The following ZGPAT variants were observed in gnomAD, a reference collection of about 807,000 sequenced individuals.
The protein encoded by ZGPAT is zinc finger CCCH-type with G patch domain-containing protein.
A neutral mutation model predicts 47.9 loss-of-function variants in ZGPAT; 39 were observed. The observed-to-expected ratio is 0.81, with a 90% CI of 0.63 to 1.06. The LOEUF is 1.06. ZGPAT is among the 50% of genes least tolerant of loss of function. ZGPAT has a pLI of 0.00. For missense variants in ZGPAT, 717 were observed against 681.4 expected (o/e 1.05, Z -0.58); for synonymous variants, 348 against 292.9 (o/e 1.19, Z -1.92).
rs760128318 is a variant in ZGPAT at position 63,735,833 on chromosome 20, C to T, written c.1450C>T (p.Gln484Ter). Residue 484 changes from glutamine to a stop codon, truncating the protein, a stop_gained, in exon 7 of 7, where the codon CAG (glutamine) becomes TAG (stop). Coordinates refer to ENST00000355969, the MANE Select transcript of ZGPAT (RefSeq NM_181485.3). LOFTEE classifies it high-confidence loss of function. The part of the protein sequence containing the change: ...LQEKLAGAQR[Q>*]LGQLRAQEAG... ...GGAGAAGCTGGCAGGAGCCCAGCGCCAGCTGGGGCAGCTCCGGGCTCAGGA... is the reference window on the plus strand; with the variant it reads ...GGAGAAGCTGGCAGGAGCCCAGCGCTAGCTGGGGCAGCTCCGGGCTCAGGA... The T allele has an allele frequency of 2.2e-5, 35 of 1,612,218 alleles. No homozygotes were observed. Among genetic ancestry groups the T allele is most frequent in the Non-Finnish European group, 2.6e-5 (31 of 1,179,698 alleles).
intron 2 of ZGPAT, among the ~76,000 whole-genome samples, chr20:63,709,609 C>T (rs1253060407): frequency 6.6e-6 from 1 of 152,100 alleles, no homozygotes; most frequent in East Asian, 1.9e-4. Context: ...TGTACTGCAG[C>T]CCGAGCAGCA....
intron 2 of ZGPAT, 95 bp downstream of exon 2, chr20:63,709,259 T>C: frequency 7.2e-7 from 1 of 1,381,892 alleles, no homozygotes; most frequent in Non-Finnish European, 1.0e-6. Context: ...CTTTGCAGTT[T>C]TGTCTCAGCT....
At chr20:63,731,925 G>C (rs1317916337) in intron 2 of ZGPAT, among the ~76,000 whole-genome samples, 2 of 152,248 alleles carry the variant, frequency 1.3e-5, no homozygotes, top group Non-Finnish European at 2.9e-5. Flanking sequence ...TACGTGGGAA[G>C]ATGTGCGTAG....
At chr20:63,727,013 A>G (rs1320897252) in intron 2 of ZGPAT, among the ~76,000 whole-genome samples, 1 of 151,986 alleles carries the variant, frequency 6.6e-6, no homozygotes, top group East Asian at 1.9e-4. Context: ...TTGTCACCCA[A>G]GGTCCATAGT....
At chr20:63,728,945 A>G (rs1029650274) in intron 2 of ZGPAT, among the ~76,000 whole-genome samples, 1 of 152,198 alleles carries the variant, frequency 6.6e-6, no homozygotes, top group African/African-American at 2.4e-5. Flanking sequence ...GTGAGTTCTC[A>G]GCTTTGGTCA....
intron 2 of ZGPAT, among the ~76,000 whole-genome samples, chr20:63,732,248 CGT>C (rs747259665): frequency 7.8e-5 from 11 of 141,396 alleles, no homozygotes; most frequent in South Asian, 6.8e-4. Context: ...TGTGCGTGCA[CGT>C]GTGTGTGGAT....
intron 3 of ZGPAT, 98 bp downstream of exon 3, chr20:63,733,450 G>C: frequency 1.3e-6 from 2 of 1,595,412 alleles, no homozygotes; most frequent in Middle Eastern, 1.7e-4. Flanking sequence ...GTTGAGTGTC[G>C]GGACTCTGGC....
chr20:63,732,342 TGAG>T (rs762021768), intron 2 of ZGPAT, among the ~76,000 whole-genome samples: 528 of 33,432 alleles, frequency 0.016, 1 homozygote, highest in African/African-American at 0.053. Flanking sequence ...CGTGTGTGGG[TGAG>T]GTGTGTGTGT....
At chr20:63,734,932 G>A (rs1444674884) in intron 5 of ZGPAT, 108 bp downstream of exon 5, 20 of 1,407,582 alleles carry the variant, frequency 1.4e-5, no homozygotes, top group East Asian at 2.5e-5. Context: ...CCAGGGTCCC[G>A]CAGCCACAGC....
In ZGPAT at chr20:63,709,325, C is replaced by T. The variant is rs562937848; in HGVS notation, c.584+161C>T. 2.6e-5 allele frequency among the ~76,000 whole-genome samples: 4 copies of T among 152,280 alleles called. No individual in the cohort carries two copies. In the East Asian group the frequency reaches 5.8e-4, roughly 22 times the overall value. On this transcript the variant is annotated intron_variant, in intron 2 of 6. Transcript: ENST00000355969. ...TCTGTGTTCAGGCGTCTACGTCTTCCTTCTGGGGTGAATCAAGAAGCATGG... is the reference window on the plus strand; with the variant it reads ...TCTGTGTTCAGGCGTCTACGTCTTCTTTCTGGGGTGAATCAAGAAGCATGG...
chr20:63,714,721 C>T (rs2091708418), intron 2 of ZGPAT, among the ~76,000 whole-genome samples: 1 of 151,982 alleles, frequency 6.6e-6, no homozygotes, highest in African/African-American at 2.4e-5. Flanking sequence ...TGGCTCACTG[C>T]AACCTCGAAT....
At chr20:63,728,966 C>G (rs929083872) in intron 2 of ZGPAT, among the ~76,000 whole-genome samples, 4 of 152,048 alleles carry the variant, frequency 2.6e-5, no homozygotes, top group African/African-American at 9.7e-5. Context: ...GTTTCCAGAA[C>G]TCTGAAAAGT....
Position 63,735,233 on chromosome 20 carries a change from C to T in ZGPAT, c.1066C>T (p.Gln356Ter). Reference protein sequence around the residue: ...VVLPRGKSLDQCVETLQKQTR... With the variant: ...VVLPRGKSLD ...GTTGCCTCGAGGGAAGTCGCTGGAC[C>T]AGTGTGTGGAGACCCTGCAGAAGCA... The change falls in exon 6 of 7, where the codon CAG (glutamine) becomes TAG (stop). Residue 356 changes from glutamine (Q) to a stop codon, truncating the protein, a stop_gained. Transcript: ENST00000355969. LOFTEE classifies it high-confidence loss of function. 1 of 1,588,838 alleles carries T rather than the reference C, an allele frequency of 6.3e-7. No individual in the cohort carries two copies. Among genetic ancestry groups the T allele is most frequent in the Non-Finnish European group, 8.6e-7 (1 of 1,168,104 alleles).
chr20:63,712,873 G>A (rs1389098016), intron 2 of ZGPAT, among the ~76,000 whole-genome samples: 3 of 152,024 alleles, frequency 2.0e-5, no homozygotes, highest in Non-Finnish European at 2.9e-5. Context: ...TCCAGCCTGG[G>A]TAACAGAGGG....
At chr20:63,710,215 G>A (rs1228210767) in intron 2 of ZGPAT, among the ~76,000 whole-genome samples, 3 of 147,776 alleles carry the variant, frequency 2.0e-5, no homozygotes, top group African/African-American at 7.5e-5. Context: ...GTGTAGTGGC[G>A]CAATCTCAGC....
intron 2 of ZGPAT, among the ~76,000 whole-genome samples, chr20:63,725,885 T>C (rs1601334426): frequency 6.6e-6 from 1 of 151,858 alleles, no homozygotes; most frequent in Non-Finnish European, 1.5e-5. Context: ...GAGGCTGGAG[T>C]GCAGTGGCGC....
In ZGPAT at chr20:63,733,261, C is replaced by T. The variant is rs2091941527; in HGVS notation, c.627C>T (p.Pro209=). ...GQVVSLDELR[P]FQDPDLSSLQ... ...TGGTCTCTCTGGATGAGCTGCGCCC[C>T]TTCCAGGACCCAGACCTGAGCTCCC... Residue 209 remains proline (P), a synonymous_variant, in exon 3 of 7, where the codon CCC becomes CCT. Transcript: ENST00000355969. 1 of 1,613,724 alleles carries T rather than the reference C, an allele frequency of 6.2e-7. No homozygotes were observed.
chr20:63,731,521 TTGTG>T (rs769294198), intron 2 of ZGPAT, among the ~76,000 whole-genome samples: 139 of 79,752 alleles, frequency 1.7e-3, no homozygotes, highest in Non-Finnish European at 2.9e-3. Flanking sequence ...GTGTGTGTGA[TTGTG>T]TGCATACGTG....
chr20:63,709,027 C>T lies in ZGPAT; in HGVS notation c.447C>T (p.Asn149=). 1 of 1,613,706 alleles carries T rather than the reference C, an allele frequency of 6.2e-7. No individual in the cohort carries two copies. The highest frequency in any genetic ancestry group is 8.5e-7 in the Non-Finnish European group (1 of 1,180,008). The change falls in exon 2 of 7, where the codon AAC becomes AAT. Residue 149 remains asparagine (N), a synonymous_variant. Coordinates refer to ENST00000355969, the MANE Select transcript of ZGPAT (RefSeq NM_181485.3). ...CCTGGGGCACTCTGGAGTATCACAA[C>T]GCCATGGTGGTGGGAACGGAAGAGG... ...YSSWGTLEYH[N]AMVVGTEEAE... is the part of the protein sequence containing the mutation.
Sources: allele counts gnomAD v4.1 joint callset (sites outside exome capture counted in the v4.1 genomes callset), GRCh38; gene constraint gnomAD v4.1.1; transcripts MANE v1.5; gene names NCBI Gene and HGNC (gene_info 2026-07-23, HGNC 2026-07-21).